ARMC8: variants seen among roughly 807,000 people sequenced by gnomAD.
The protein encoded by ARMC8 is armadillo repeat-containing protein 8.
In ARMC8, 20 loss-of-function variants were observed where a neutral mutation model predicts 99.3. The ratio of observed to expected loss-of-function variants is 0.20; its 90% CI spans 0.14 to 0.29. The LOEUF (loss-of-function observed/expected upper bound fraction) is 0.29. ARMC8 is among the 10% of genes least tolerant of loss of function. The pLI is 1.00. For missense variants in ARMC8, 569 were observed against 809.5 expected, an observed-to-expected ratio of 0.70 and a Z score of 3.60; for synonymous variants, 263 against 278.3, an observed-to-expected ratio of 0.95 and a Z score of 0.55.
chr3:138,245,527 G>C, intron 12 of ARMC8: 1 of 1,159,872 alleles, frequency 8.6e-7, no homozygotes, highest in Non-Finnish European at 1.1e-6. Flanking sequence ...CCTAACATTA[G>C]AATTGTAAAT....
intron 18 of ARMC8, among the ~76,000 whole-genome samples, chr3:138,277,677 G>C (rs534767226): frequency 6.6e-6 from 1 of 152,186 alleles, no homozygotes; most frequent in African/African-American, 2.4e-5. Context: ...AGGATGCAGA[G>C]CATCTAGTGG....
chr3:138,296,220 GTGTGAACACACAGGCATGCGTGTGTA>G lies in ARMC8; in HGVS notation c.*333_*358del. The G allele has an allele frequency of 4.0e-6, 1 of 250,912 alleles. No individual in the cohort carries two copies. The highest frequency in any genetic ancestry group is 7.7e-6 in the Non-Finnish European group (1 of 129,838). 15.5% of individuals were successfully genotyped at this position (250,912 alleles called of 1,614,324 possible). Reference sequence around the variant, plus strand: ...TTTGTGAGTGAGAATGAATATGTCTGTGTGAACACACAGGCATGCGTGTGTATGTGCACGTACATGGGCCAGAATGA... The same window carrying G: ...TTTGTGAGTGAGAATGAATATGTCTGTGTGCACGTACATGGGCCAGAATGA... On this transcript the variant is annotated 3_prime_UTR_variant, in exon 22 of 22. Transcript: ENST00000469044.
At chr3:138,243,222 A>C (rs896670576) in intron 11 of ARMC8, among the ~76,000 whole-genome samples, 8 of 152,252 alleles carry the variant, frequency 5.3e-5, no homozygotes, top group Non-Finnish European at 7.3e-5. Context: ...ACTAGTACGT[A>C]GATTATCCCT....
intron 17 of ARMC8, 95 bp from the exon 18 acceptor site, chr3:138,274,354 A>G: frequency 1.3e-6 from 1 of 759,080 alleles, no homozygotes; most frequent in East Asian, 2.5e-5. Context: ...TGCATGAAGC[A>G]GTTGTGAATC....
intron 12 of ARMC8, among the ~76,000 whole-genome samples, chr3:138,256,531 T>C (rs540872798): frequency 3.9e-4 from 59 of 149,816 alleles, no homozygotes; most frequent in Non-Finnish European, 6.7e-4. Context: ...CCGCCTCAGC[T>C]TCCCGAGTAG....
chr3:138,203,951 G>A (rs2044220288), intron 1 of ARMC8, among the ~76,000 whole-genome samples: 2 of 152,188 alleles, frequency 1.3e-5, no homozygotes, highest in African/African-American at 2.4e-5. Context: ...ACAAGCCTCA[G>A]TAAGCCCCTT....
At position 138,245,141 on chromosome 3, in the gene ARMC8, C is replaced by G. The variant is rs368120744; in HGVS notation, c.1092C>G (p.Leu364=). 4 of 1,614,178 alleles carry G rather than the reference C, an allele frequency of 2.5e-6. No homozygotes were observed. Among genetic ancestry groups the G allele is most frequent in the Admixed American group, 1.7e-5 (1 of 60,030 alleles). The change falls in exon 12 of 22, where the codon CTC becomes CTG. Residue 364 remains leucine, a synonymous_variant. Coordinates refer to ENST00000469044, the MANE Select transcript of ARMC8 (RefSeq NM_001363941.2). The stretch of plus-strand genomic sequence containing the variant: ...AACTCCGCCAGGCTGCATTCAAGCT[C>G]TATGCCTCTCTTGGAGCAAATGATG... ...AHELRQAAFK[L]YASLGANDED...
intron 1 of ARMC8, among the ~76,000 whole-genome samples, chr3:138,194,665 A>G (rs1213371549): frequency 6.6e-6 from 1 of 151,538 alleles, no homozygotes; most frequent in Non-Finnish European, 1.5e-5. Context: ...TTTGAAAAAT[A>G]GCTGTTAGAA....
chr3:138,277,175 A>G (rs1243557932), intron 18 of ARMC8, among the ~76,000 whole-genome samples: 2 of 152,204 alleles, frequency 1.3e-5, no homozygotes, highest in African/African-American at 4.8e-5. Context: ...AACTTGGTGG[A>G]GAAAGAATGG....
At chr3:138,195,305 A>G (rs1576574946) in intron 1 of ARMC8, among the ~76,000 whole-genome samples, 1 of 151,884 alleles carries the variant, frequency 6.6e-6, no homozygotes, top group East Asian at 1.9e-4. Context: ...AAAAAAAGAA[A>G]CTATCTCAAA....
chr3:138,262,225 G>T, intron 12 of ARMC8: 1 of 239,750 alleles, frequency 4.2e-6, no homozygotes, highest in Non-Finnish European at 8.0e-6. Flanking sequence ...TAGGTAGACT[G>T]AGAAAGGGAG....
chr3:138,188,550 A>C, intron 1 of ARMC8: 1 of 1,614,032 alleles, frequency 6.2e-7, no homozygotes, highest in Non-Finnish European at 8.5e-7. Flanking sequence ...CCAATGGTTC[A>C]TTTGCTATTG....
chr3:138,193,943 G>A (rs2043541871), intron 1 of ARMC8, among the ~76,000 whole-genome samples: 1 of 152,168 alleles, frequency 6.6e-6, no homozygotes, highest in African/African-American at 2.4e-5. Flanking sequence ...GAGAGGTAAG[G>A]TAACAAATTG....
intron 6 of ARMC8, among the ~76,000 whole-genome samples, chr3:138,231,436 GA>G (rs1168959538): frequency 3.3e-5 from 5 of 151,870 alleles, no homozygotes; most frequent in Non-Finnish European, 7.4e-5. Flanking sequence ...TTGGGGGAGG[GA>G]AAAAGGGAGA....
At chr3:138,274,076 C>T (rs2049036634) in intron 17 of ARMC8, among the ~76,000 whole-genome samples, 1 of 152,166 alleles carries the variant, frequency 6.6e-6, no homozygotes, top group Admixed American at 6.5e-5. Flanking sequence ...CCTCGGCCCC[C>T]CAAAGTGCTG....
intron 15 of ARMC8, 133 bp downstream of exon 15, chr3:138,267,374 C>T (rs534407516): frequency 6.3e-5 from 33 of 520,464 alleles, no homozygotes; most frequent in South Asian, 1.9e-4. Context: ...GATTGCATAG[C>T]GGTAGGGGTG....
At chr3:138,201,808 C>T (rs1336385515) in intron 1 of ARMC8, among the ~76,000 whole-genome samples, 1 of 152,172 alleles carries the variant, frequency 6.6e-6, no homozygotes, top group African/African-American at 2.4e-5. Context: ...TTTCAGATTA[C>T]TCATCCTTAC....
chr3:138,240,295 A>G (rs893310653), intron 10 of ARMC8, among the ~76,000 whole-genome samples: 2 of 152,228 alleles, frequency 1.3e-5, no homozygotes, highest in Non-Finnish European at 2.9e-5. Context: ...ATCATTGTTC[A>G]AAAGGTGATC....
intron 6 of ARMC8, among the ~76,000 whole-genome samples, chr3:138,232,982 A>T (rs191818364): frequency 3.1e-4 from 47 of 152,358 alleles, no homozygotes; most frequent in Admixed American, 2.7e-3. Flanking sequence ...GTGATGACAT[A>T]AGCTGAGGCT....
Sources: allele counts gnomAD v4.1 joint callset (sites outside exome capture counted in the v4.1 genomes callset), GRCh38; gene constraint gnomAD v4.1.1; transcripts MANE v1.5; gene names NCBI Gene and HGNC (gene_info 2026-07-23, HGNC 2026-07-21).